Variants in ANKRD42 observed in about 807,000 individuals in gnomAD.
The protein encoded by ANKRD42 is ankyrin repeat domain-containing protein 42.
Under a neutral mutation model 51.5 loss-of-function variants are expected in ANKRD42, and 43 were observed. The observed-to-expected ratio is 0.83, with a 90% confidence interval of 0.65 to 1.08. The LOEUF (loss-of-function observed/expected upper bound fraction) is 1.08, where lower values mean the gene tolerates loss of function less well. Among genes scored for constraint, ANKRD42 ranks in the 50% least tolerant of loss-of-function variants. ANKRD42 has a pLI of 0.00. For synonymous variants in ANKRD42, 203 were observed against 213.0 expected, an observed-to-expected ratio of 0.95 and a Z score of 0.41; for missense variants, 608 against 629.3, an observed-to-expected ratio of 0.97 and a Z score of 0.36.
chr11:83,248,327 AC>A lies in ANKRD42; in HGVS notation c.*124del. ...CACACACACACACACACACACACAC[AC>A]ACACACACTCTATATGTAACTATAA... On this transcript the variant is annotated 3_prime_UTR_variant, in exon 11 of 11. Coordinates refer to ENST00000533342, the MANE Select transcript of ANKRD42 (RefSeq NM_001300975.2). 4 of 1,318,258 alleles carry A rather than the reference AC, an allele frequency of 3.0e-6. No individual in the cohort carries two copies. The highest frequency in any genetic ancestry group is 3.9e-6 in the Non-Finnish European group (4 of 1,027,010). 81.7% of individuals were successfully genotyped at this position (1,318,258 alleles called of 1,614,324 possible).
rs73512681 is a variant in ANKRD42 at position 83,208,768 on chromosome 11, T to C, written c.331-1532T>C. Among the ~76,000 whole-genome samples the C allele has an allele frequency of 1.1e-3, 170 of 152,302 alleles. 1 individual carries two copies. The highest frequency in any genetic ancestry group is 3.9e-3 in the African/African-American group (164 of 41,572). Reference sequence around the variant, plus strand: ...AGTTCAATTTGGCATACGTTGAGTTTAATGTGTCTGTAGGTCATCCAGGTA... The same window carrying C: ...AGTTCAATTTGGCATACGTTGAGTTCAATGTGTCTGTAGGTCATCCAGGTA... On this transcript the variant is annotated intron_variant, in intron 3 of 10. Coordinates refer to ENST00000533342, the MANE Select transcript of ANKRD42 (RefSeq NM_001300975.2).
chr11:83,262,036 GT>G, downstream of ANKRD42: 1 of 1,092,376 alleles, frequency 9.2e-7, no homozygotes, highest in Non-Finnish European at 1.3e-6. Flanking sequence ...AGAGAATAAT[GT>G]TATCTTTAAG....
intron 9 of ANKRD42, among the ~76,000 whole-genome samples, chr11:83,243,738 T>A (rs1161574643): frequency 3.3e-5 from 5 of 152,032 alleles, no homozygotes; most frequent in Non-Finnish European, 5.9e-5. Flanking sequence ...CTCGGCTCAC[T>A]GCAAGCTCCG....
Position 83,248,959 on chromosome 11 carries a change from A to T in ANKRD42, c.*755A>T, listed in dbSNP as rs1863624019. The T allele has an allele frequency of 1.0e-6, 1 of 983,168 alleles. No individual in the cohort carries two copies. The highest frequency in any genetic ancestry group is 1.2e-6 in the Non-Finnish European group (1 of 828,004). 60.9% of individuals were successfully genotyped at this position (983,168 alleles called of 1,614,324 possible). On this transcript the variant is annotated 3_prime_UTR_variant, in exon 11 of 11. Transcript: ENST00000533342. Reference sequence around the variant, plus strand: ...GGTTGATTTTCCAAGAAATATAATTAACTATAATAATTAATCTATTCTCTT... The same window carrying T: ...GGTTGATTTTCCAAGAAATATAATTTACTATAATAATTAATCTATTCTCTT...
At chr11:83,251,677 T>C (rs1247364414), downstream of ANKRD42, among the ~76,000 whole-genome samples, 1 of 152,204 alleles carries the variant, frequency 6.6e-6, no homozygotes, top group Non-Finnish European at 1.5e-5. Flanking sequence ...AAATTTTTCT[T>C]TGAAAACTTT....
intron 7 of ANKRD42, among the ~76,000 whole-genome samples, chr11:83,229,718 C>T (rs1170192648): frequency 6.6e-6 from 1 of 152,180 alleles, no homozygotes; most frequent in Non-Finnish European, 1.5e-5. Context: ...GTTTGCTCTT[C>T]ACCCTCTTTT....
At chr11:83,235,419 C>T (rs1020981471) in intron 7 of ANKRD42, among the ~76,000 whole-genome samples, 5 of 152,086 alleles carry the variant, frequency 3.3e-5, no homozygotes, top group African/African-American at 4.8e-5. Context: ...ATAAAACAAT[C>T]GTCTATGTTA....
chr11:83,202,834 C>G (rs957636188), intron 2 of ANKRD42, among the ~76,000 whole-genome samples: 7 of 152,114 alleles, frequency 4.6e-5, no homozygotes, highest in African/African-American at 1.7e-4. Context: ...TTTTTTTCCA[C>G]AATACCTAGT....
At chr11:83,212,446 C>T (rs776322032) in intron 5 of ANKRD42, among the ~76,000 whole-genome samples, 3 of 152,154 alleles carry the variant, frequency 2.0e-5, no homozygotes. Context: ...GGTTAATTTG[C>T]TACTTCAGTT....
At chr11:83,249,162 C>T (rs184761982), downstream of ANKRD42, among the ~76,000 whole-genome samples, 9 of 152,246 alleles carry the variant, frequency 5.9e-5, no homozygotes, top group African/African-American at 9.6e-5. Context: ...TCTGTGACTC[C>T]CAGTCTCCTC....
intron 2 of ANKRD42, among the ~76,000 whole-genome samples, chr11:83,199,485 G>A (rs1269121718): frequency 2.6e-5 from 4 of 151,958 alleles, no homozygotes; most frequent in African/African-American, 7.3e-5. Context: ...CAGCCATGTC[G>A]TTTATTCTAT....
Position 83,248,336 on chromosome 11 carries a change from CTCTA to C in ANKRD42, c.*134_*137del. 7.7e-7 allele frequency: 1 copy of C among 1,301,078 alleles called. No individual in the cohort carries two copies. The highest frequency in any genetic ancestry group is 2.3e-5 in the South Asian group (1 of 42,870). The allele number at this position is 1,301,078 out of a possible 1,614,324, so 80.6% of individuals were successfully genotyped here. ...ACACACACACACACACACACACACA[CTCTA>C]TATGTAACTATAACTTTCTAGATAC... On this transcript the variant is annotated 3_prime_UTR_variant, in exon 11 of 11. Coordinates refer to ENST00000533342, the MANE Select transcript of ANKRD42 (RefSeq NM_001300975.2).
intron 10 of ANKRD42, among the ~76,000 whole-genome samples, chr11:83,247,597 C>G (rs138571073): frequency 8.8e-4 from 134 of 152,338 alleles, no homozygotes; most frequent in Middle Eastern, 3.4e-3. Context: ...GCCCCTCTTC[C>G]ACAACATTTT....
chr11:83,225,426 A>G (rs1862848178), intron 6 of ANKRD42, among the ~76,000 whole-genome samples: 1 of 151,996 alleles, frequency 6.6e-6, no homozygotes, highest in Admixed American at 6.6e-5. Flanking sequence ...AATTAGCTGT[A>G]TGTGGAGGCA....
Position 83,248,633 on chromosome 11 carries a change from C to A in ANKRD42, c.*429C>A. ...AGGCTTGTGTCACCTCAAATCTGAT[C>A]TATTAATATTATAGAATCTTCCTGG... On this transcript the variant is annotated 3_prime_UTR_variant, in exon 11 of 11. Transcript: ENST00000533342. The A allele has an allele frequency of 3.0e-6, 3 of 985,848 alleles. No individual in the cohort carries two copies. Among genetic ancestry groups the A allele is most frequent in the Non-Finnish European group, 3.6e-6 (3 of 830,222 alleles). 61.1% of individuals were successfully genotyped at this position (985,848 alleles called of 1,614,324 possible).
Position 83,194,132 on chromosome 11 carries a change from G to T in ANKRD42, c.-539G>T, listed in dbSNP as rs1405477132. The T allele has an allele frequency of 2.2e-6, 1 of 456,708 alleles. No individual in the cohort carries two copies. Among genetic ancestry groups the T allele is most frequent in the Non-Finnish European group, 4.4e-6 (1 of 226,930 alleles). 28.3% of individuals were successfully genotyped at this position (456,708 alleles called of 1,614,324 possible). ...AGCTGCTCTTGGGAGAGAGTTAGGGGAGACAGCACCTTCTGCAGCAGCGAC... is the reference window on the plus strand; with the variant it reads ...AGCTGCTCTTGGGAGAGAGTTAGGGTAGACAGCACCTTCTGCAGCAGCGAC... On this transcript the variant is annotated 5_prime_UTR_variant, in exon 1 of 11. Coordinates refer to ENST00000533342, the MANE Select transcript of ANKRD42 (RefSeq NM_001300975.2).
At chr11:83,258,754 A>C (rs1863817702), downstream of ANKRD42, among the ~76,000 whole-genome samples, 1 of 152,136 alleles carries the variant, frequency 6.6e-6, no homozygotes, top group African/African-American at 2.4e-5. Flanking sequence ...AAAAATACTT[A>C]AAAAATAAAC....
chr11:83,214,395 T>C (rs1424313131), intron 5 of ANKRD42: 2 of 979,036 alleles, frequency 2.0e-6, no homozygotes, highest in Admixed American at 1.2e-4. Flanking sequence ...TTTATTTTTG[T>C]ATTGTCCTTT....
downstream of ANKRD42, among the ~76,000 whole-genome samples, chr11:83,250,926 T>G (rs186470312): frequency 1.1e-4 from 16 of 152,244 alleles, no homozygotes; most frequent in African/African-American, 3.9e-4. Flanking sequence ...GTGATAGAAT[T>G]TTGGTATTTA....
Sources: gnomAD v4.1 joint callset for allele counts (sites outside exome capture counted in the v4.1 genomes callset) on GRCh38, gnomAD v4.1.1 for gene constraint, MANE v1.5 for transcripts, NCBI Gene and HGNC (gene_info 2026-07-23, HGNC 2026-07-21) for gene names.